Variants in INS observed in about 807,000 individuals in gnomAD.
INS encodes preproinsulin.
Under a neutral mutation model 10.5 loss-of-function variants are expected in INS, and 6 were observed. The ratio of observed to expected loss-of-function variants is 0.57; its 90% CI spans 0.31 to 1.13. INS has a LOEUF of 1.13. Ranked by LOEUF, INS falls within the 50% of genes most tolerant of loss-of-function variation. The pLI is 0.05. For synonymous variants in INS, 71 were observed against 62.7 expected, an observed-to-expected ratio of 1.13 and a Z score of -0.63; for missense variants, 109 against 138.6, an observed-to-expected ratio of 0.79 and a Z score of 1.07.
rs199995103 is a variant in INS at position 2,160,773 on chromosome 11, C to T, written c.187+12G>A. Reference sequence around the variant, plus strand: ...GGGGGCGGCCAGGGGCAGCAATGGGCAGTTGGCTCACCCTGCAGGTCCTCT... The same window carrying T: ...GGGGGCGGCCAGGGGCAGCAATGGGTAGTTGGCTCACCCTGCAGGTCCTCT... On this transcript the variant is annotated intron_variant, in intron 2 of 2. Coordinates refer to ENST00000381330, the MANE Select transcript of INS (RefSeq NM_000207.3). The T allele has an allele frequency of 1.9e-5, 31 of 1,610,740 alleles. No individual in the cohort carries two copies. The highest frequency in any genetic ancestry group is 1.7e-4 in the Middle Eastern group (1 of 6,042).
At position 2,160,888 on chromosome 11, in the gene INS, T is replaced by C. The variant is rs1182567488; in HGVS notation, c.84A>G (p.Gln28=). Residue 28 remains glutamine, a synonymous_variant, in exon 2 of 3, where the codon CAA becomes CAG. Transcript: ENST00000381330. ...CCACCAGGTGTGAGCCGCACAGGTG[T>C]TGGTTCACAAAGGCTGCGGCTGGGT... ...GPDPAAAFVN[Q]HLCGSHLVEA... is the part of the protein sequence containing the mutation. 6.2e-7 allele frequency: 1 copy of C among 1,612,604 alleles called. No individual in the cohort carries two copies. Among genetic ancestry groups the C allele is most frequent in the East Asian group, 2.2e-5 (1 of 44,862 alleles).
chr11:2,160,410 C>T (rs141873451), intron 2 of INS, among the ~76,000 whole-genome samples: 9 of 152,310 alleles, frequency 5.9e-5, no homozygotes, highest in African/African-American at 7.2e-5. Flanking sequence ...AGGCAGGCAG[C>T]GTGGGGCACC....
rs121908278 is a variant in INS at position 2,160,956 on chromosome 11, G to A, written c.16C>T (p.Arg6Cys). 22 of 1,612,274 alleles carry A rather than the reference G, an allele frequency of 1.4e-5. No individual in the cohort carries two copies. Among genetic ancestry groups the A allele is most frequent in the Middle Eastern group, 3.3e-4 (2 of 6,052 alleles). The change falls in exon 2 of 3, where the codon CGC (arginine) becomes TGC (cysteine). Residue 6 changes from arginine to cysteine, a missense_variant. Coordinates refer to ENST00000381330, the MANE Select transcript of INS (RefSeq NM_000207.3). ...AGCAGCGCCAGCAGGGGCAGGAGGC[G>A]CATCCACAGGGCCATGGCAGAAGGA... MALWMRLLPLLALLAL... is the reference protein window; with the variant it reads MALWMCLLPLLALLAL...
intron 2 of INS, 62 bp from the exon 3 acceptor site, chr11:2,160,059 G>A (rs1845847473): frequency 1.3e-6 from 2 of 1,518,424 alleles, no homozygotes; most frequent in East Asian, 2.4e-5. Flanking sequence ...GGACACAGGA[G>A]GACACAGTCA....
Position 2,159,792 on chromosome 11 carries a change from C to A in INS, c.*60G>T. On this transcript the variant is annotated 3_prime_UTR_variant, in exon 3 of 3. Coordinates refer to ENST00000381330, the MANE Select transcript of INS (RefSeq NM_000207.3). ...CGGCACAGCAGGGCTGGTTCAAGGG[C>A]TTTATTCCATCTCTCTCGGTGCAGG... The A allele has an allele frequency of 6.3e-7, 1 of 1,581,388 alleles. No individual in the cohort carries two copies. The highest frequency in any genetic ancestry group is 1.1e-5 in the South Asian group (1 of 87,282).
intron 2 of INS, 149 bp downstream of exon 2, chr11:2,160,636 C>T (rs942007651): frequency 2.0e-5 from 19 of 949,262 alleles, no homozygotes; most frequent in Admixed American, 1.8e-4. Flanking sequence ...ACTTTTAGGA[C>T]GTGACCAAGA....
Position 2,160,906 on chromosome 11 carries a change from G to A in INS, c.66C>T (p.Ala22=), listed in dbSNP as rs375371953. The A allele has an allele frequency of 8.1e-6, 13 of 1,612,534 alleles. No individual in the cohort carries two copies. The highest frequency in any genetic ancestry group is 1.6e-4 in the Middle Eastern group (1 of 6,076). The change falls in exon 2 of 3, where the codon GCC becomes GCT. Residue 22 remains alanine, a synonymous_variant. Transcript: ENST00000381330. The part of the protein sequence containing the change: ...ALLALWGPDP[A]AAFVNQHLCG... ...ACAGGTGTTGGTTCACAAAGGCTGC[G>A]GCTGGGTCAGGTCCCCAGAGGGCCA...
intron 2 of INS, 132 bp from the exon 3 acceptor site, chr11:2,160,129 C>T (rs1171335514): frequency 2.1e-5 from 20 of 965,326 alleles, no homozygotes; most frequent in Middle Eastern, 3.1e-4. Context: ...CATCTCCAGC[C>T]GGGCTGGACC....
At chr11:2,160,252 G>A (rs1259559429) in intron 2 of INS, among the ~76,000 whole-genome samples, 2 of 152,160 alleles carry the variant, frequency 1.3e-5, no homozygotes, top group East Asian at 1.9e-4. Flanking sequence ...GCCTGAACAG[G>A]TGATCCCAGT....
chr11:2,160,222 G>A (rs1845852979), intron 2 of INS, among the ~76,000 whole-genome samples: 1 of 152,176 alleles, frequency 6.6e-6, no homozygotes. Flanking sequence ...CCCCCGCCCC[G>A]GGGCAGCGTC....
At chr11:2,160,107 C>T (rs995882391) in intron 2 of INS, 110 bp from the exon 3 acceptor site, 7 of 1,183,202 alleles carry the variant, frequency 5.9e-6, no homozygotes, top group African/African-American at 3.0e-5. Context: ...AGCCCTAGGT[C>T]GCACTCCCAC....
Position 2,159,846 on chromosome 11 carries a change from C to G in INS, c.*6G>C. On this transcript the variant is annotated 3_prime_UTR_variant, in exon 3 of 3. Transcript: ENST00000381330. Reference sequence around the variant, plus strand: ...CGGCGGGTGTGGGGCTGCCTGCGGGCTGCGTCTAGTTGCAGTAGTTCTCCA... The same window carrying G: ...CGGCGGGTGTGGGGCTGCCTGCGGGGTGCGTCTAGTTGCAGTAGTTCTCCA... 1 of 1,611,056 alleles carries G rather than the reference C, an allele frequency of 6.2e-7. No homozygotes were observed. Among genetic ancestry groups the G allele is most frequent in the Non-Finnish European group, 8.5e-7 (1 of 1,179,332 alleles).
rs770737691 is a variant in INS, at chr11:2,160,799, G to C, written c.173C>G (p.Ala58Gly). The C allele has an allele frequency of 6.2e-7, 1 of 1,612,276 alleles. No homozygotes were observed. Among genetic ancestry groups the C allele is most frequent in the African/African-American group, 1.3e-5 (1 of 74,926 alleles). Reference protein sequence around the residue: ...FFYTPKTRREAEDLQVGQVEL... With the variant: ...FFYTPKTRREGEDLQVGQVEL... ...AGTTGGCTCACCCTGCAGGTCCTCT[G>C]CCTCCCGGCGGGTCTTGGGTGTGTA... Residue 58 changes from alanine to glycine, a missense_variant, in exon 2 of 3, where the codon GCA (alanine) becomes GGA (glycine). By Grantham distance (60) the Ala-to-Gly change is moderately conservative (BLOSUM62 0). Coordinates refer to ENST00000381330, the MANE Select transcript of INS (RefSeq NM_000207.3).
rs1410071121 is a variant in INS at position 2,160,821 on chromosome 11, T to C, written c.151A>G (p.Thr51Ala). Residue 51 changes from threonine (T) to alanine (A), a missense_variant, in exon 2 of 3, where the codon ACA becomes GCA. Transcript: ENST00000381330. Reference protein sequence around the residue: ...LVCGERGFFYTPKTRREAEDL... With the variant: ...LVCGERGFFYAPKTRREAEDL... ...TCTGCCTCCCGGCGGGTCTTGGGTG[T>C]GTAGAAGAAGCCTCGTTCCCCGCAC... The C allele has an allele frequency of 6.2e-7, 1 of 1,612,538 alleles. No individual in the cohort carries two copies. Among genetic ancestry groups the C allele is most frequent in the Non-Finnish European group, 8.5e-7 (1 of 1,179,758 alleles).
chr11:2,160,762 G>T (rs1457891682), intron 2 of INS, 23 bp downstream of exon 2: 2 of 1,607,176 alleles, frequency 1.2e-6, no homozygotes, highest in Non-Finnish European at 8.5e-7. Context: ...GCGGCCAGGG[G>T]CAGCAATGGG....
rs139264769 is a variant in INS, at chr11:2,159,958, C to T, written c.227G>A (p.Ser76Asn). Residue 76 changes from serine (S) to asparagine (N), a missense_variant, in exon 3 of 3, where the codon AGC (serine) becomes AAC (asparagine). By Grantham distance (46) the Ser-to-Asn change is conservative. Transcript: ENST00000381330. Reference sequence around the variant, plus strand: ...CCCCTCCAGGGCCAAGGGCTGCAGGCTGCCTGCACCAGGGCCCCCGCCCAG... The same window carrying T: ...CCCCTCCAGGGCCAAGGGCTGCAGGTTGCCTGCACCAGGGCCCCCGCCCAG... ...VELGGGPGAG[S>N]LQPLALEGSL... is the part of the protein sequence containing the mutation. 152 of 1,593,092 alleles carry T rather than the reference C, an allele frequency of 9.5e-5. 1 individual carries two copies. The African/African-American group carries it at 1.7e-3, about 18-fold the overall frequency.
intron 1 of INS, 73 bp downstream of exon 1, chr11:2,161,095 G>T: frequency 7.3e-7 from 1 of 1,369,928 alleles, no homozygotes; most frequent in Non-Finnish European, 9.8e-7. Context: ...CCTCCCTGCT[G>T]CAGAGCTGGG....
At chr11:2,160,700 C>G in intron 2 of INS, 85 bp downstream of exon 2, 2 of 1,554,190 alleles carry the variant, frequency 1.3e-6, no homozygotes, top group Non-Finnish European at 1.8e-6. Context: ...CAGCCTCCTG[C>G]CCCCTTCTGC....
rs1015447032 is a variant in INS at position 2,161,035 on chromosome 11, C to T, written c.-17-47G>A. On this transcript the variant is annotated intron_variant, in intron 1 of 2. Coordinates refer to ENST00000381330, the MANE Select transcript of INS (RefSeq NM_000207.3). ...GGCAGGCTGAAGGCCAGGTGCCCTG[C>T]CTTGGGGCCCCTGGGCTCACCCCCA... 1.8e-5 allele frequency: 28 copies of T among 1,577,092 alleles called. No individual in the cohort carries two copies. In the South Asian group the frequency reaches 3.1e-4, roughly 17 times the overall value.
Sources: gnomAD v4.1 joint callset for allele counts (sites outside exome capture counted in the v4.1 genomes callset) on GRCh38, gnomAD v4.1.1 for gene constraint, MANE v1.5 for transcripts, NCBI Gene and HGNC (gene_info 2026-07-23, HGNC 2026-07-21) for gene names.